KCNQ3: variants seen among roughly 807,000 people sequenced by gnomAD.
KCNQ3 encodes potassium voltage-gated channel subfamily Q member 3.
A neutral mutation model predicts 92.5 loss-of-function variants in KCNQ3; 30 were observed. The ratio of observed to expected loss-of-function variants is 0.32; its 90% CI spans 0.24 to 0.44. KCNQ3 has a LOEUF of 0.44. Ranked by LOEUF, KCNQ3 falls within the 20% of genes least tolerant of loss-of-function variation. The pLI is 1.00. For synonymous variants in KCNQ3, 450 were observed against 468.8 expected, an observed-to-expected ratio of 0.96 and a Z score of 0.52; for missense variants, 913 against 1,140.3, an observed-to-expected ratio of 0.80 and a Z score of 2.87.
intron 1 of KCNQ3, among the ~76,000 whole-genome samples, chr8:132,319,767 C>T (rs998357229): frequency 3.9e-5 from 6 of 152,234 alleles, no homozygotes; most frequent in African/African-American, 9.7e-5. Flanking sequence ...GGCTTTCCAT[C>T]GCTCTAATAG....
At chr8:132,464,291 C>G (rs1822123819) in intron 1 of KCNQ3, among the ~76,000 whole-genome samples, 1 of 152,160 alleles carries the variant, frequency 6.6e-6, no homozygotes, top group Non-Finnish European at 1.5e-5. Flanking sequence ...CTCAAGGTTA[C>G]TGGTTAAACA....
chr8:132,209,911 C>G (rs938265866), intron 1 of KCNQ3, among the ~76,000 whole-genome samples: 16 of 152,124 alleles, frequency 1.1e-4, no homozygotes, highest in Admixed American at 7.2e-4. Context: ...TATGTTTGTG[C>G]ATGTGTGTAT....
intron 1 of KCNQ3, among the ~76,000 whole-genome samples, chr8:132,200,411 C>T (rs550862457): frequency 1.3e-5 from 2 of 151,288 alleles, no homozygotes; most frequent in East Asian, 3.9e-4. Flanking sequence ...ATATTTACTA[C>T]CTTGAGCATT....
At chr8:132,264,637 T>C (rs1815921471) in intron 1 of KCNQ3, among the ~76,000 whole-genome samples, 1 of 152,204 alleles carries the variant, frequency 6.6e-6, no homozygotes, top group South Asian at 2.1e-4. Context: ...GAAATTCAGA[T>C]GCCATGCAGG....
At chr8:132,179,836 T>C (rs908256056) in intron 4 of KCNQ3, among the ~76,000 whole-genome samples, 1 of 152,122 alleles carries the variant, frequency 6.6e-6, no homozygotes, top group African/African-American at 2.4e-5. Flanking sequence ...TCTGAAGGAA[T>C]AGGCATTATC....
intron 1 of KCNQ3, among the ~76,000 whole-genome samples, chr8:132,248,925 T>G (rs750075763): frequency 6.6e-6 from 1 of 152,230 alleles, no homozygotes; most frequent in African/African-American, 2.4e-5. Flanking sequence ...GGTGGGTTCT[T>G]GATCTCACTG....
chr8:132,394,803 A>T (rs2130775791), intron 1 of KCNQ3, among the ~76,000 whole-genome samples: 1 of 152,350 alleles, frequency 6.6e-6, no homozygotes, highest in East Asian at 1.9e-4. Flanking sequence ...CCCAGCACTG[A>T]GTAGGAATTC....
intron 9 of KCNQ3, among the ~76,000 whole-genome samples, chr8:132,157,708 C>T (rs1038671435): frequency 1.3e-5 from 2 of 151,898 alleles, no homozygotes; most frequent in Admixed American, 6.6e-5. Context: ...ATGTGCAGAA[C>T]GTGCAGGTTT....
chr8:132,341,285 G>A (rs1586941111), intron 1 of KCNQ3, among the ~76,000 whole-genome samples: 1 of 152,218 alleles, frequency 6.6e-6, no homozygotes. Context: ...CTACTGGAGA[G>A]CTGTCATGTT....
At chr8:132,420,769 T>C (rs1683510458) in intron 1 of KCNQ3, among the ~76,000 whole-genome samples, 1 of 152,200 alleles carries the variant, frequency 6.6e-6, no homozygotes, top group South Asian at 2.1e-4. Context: ...GTGCTTTCCA[T>C]GTGTTTTGCA....
At chr8:132,463,355 A>G (rs995465388) in intron 1 of KCNQ3, among the ~76,000 whole-genome samples, 1 of 152,226 alleles carries the variant, frequency 6.6e-6, no homozygotes, top group Non-Finnish European at 1.5e-5. Context: ...TGAGCCACAA[A>G]TGGTATTCAC....
intron 9 of KCNQ3, among the ~76,000 whole-genome samples, chr8:132,145,184 G>C (rs1170694042): frequency 6.6e-6 from 1 of 152,144 alleles, no homozygotes; most frequent in Non-Finnish European, 1.5e-5. Context: ...ATAGTGCTGA[G>C]GTTGAAAAAC....
At chr8:132,264,385 G>A (rs577872185) in intron 1 of KCNQ3, among the ~76,000 whole-genome samples, 2 of 152,268 alleles carry the variant, frequency 1.3e-5, no homozygotes, top group South Asian at 2.1e-4. Flanking sequence ...GCCACGTATT[G>A]GGGTCATCTC....
intron 1 of KCNQ3, among the ~76,000 whole-genome samples, chr8:132,325,818 CT>C: frequency 6.6e-6 from 1 of 152,322 alleles, no homozygotes. Context: ...CTGCTCCAAG[CT>C]ATGTCACCCA....
chr8:132,139,251 G>A (rs1825208652), intron 11 of KCNQ3, among the ~76,000 whole-genome samples: 1 of 152,220 alleles, frequency 6.6e-6, no homozygotes, highest in South Asian at 2.1e-4. Context: ...CACCCTCCAG[G>A]TCAACACAGG....
chr8:132,149,996 A>C (rs1382765131), intron 9 of KCNQ3, among the ~76,000 whole-genome samples: 2 of 150,492 alleles, frequency 1.3e-5, no homozygotes, highest in East Asian at 3.9e-4. Context: ...TCTCTTCTCC[A>C]CCCTGTCAGC....
At chr8:132,158,325 C>T (rs1471312264) in intron 9 of KCNQ3, among the ~76,000 whole-genome samples, 1 of 152,178 alleles carries the variant, frequency 6.6e-6, no homozygotes, top group Non-Finnish European at 1.5e-5. Context: ...TGATTGCCAA[C>T]ATTGTTCATG....
intron 1 of KCNQ3, among the ~76,000 whole-genome samples, chr8:132,458,575 C>T (rs1413436007): frequency 6.6e-6 from 1 of 152,246 alleles, no homozygotes; most frequent in Non-Finnish European, 1.5e-5. Context: ...CTGCCTCAGC[C>T]TCCCAAGTAG....
At chr8:132,454,169 C>G (rs1247849334) in intron 1 of KCNQ3, among the ~76,000 whole-genome samples, 1 of 152,188 alleles carries the variant, frequency 6.6e-6, no homozygotes, top group Non-Finnish European at 1.5e-5. Flanking sequence ...TGAGTGGTAG[C>G]TCCACTGGAG....
Sources: gnomAD v4.1 joint callset for allele counts (sites outside exome capture counted in the v4.1 genomes callset) on GRCh38, gnomAD v4.1.1 for gene constraint, MANE v1.5 for transcripts, NCBI Gene and HGNC (gene_info 2026-07-23, HGNC 2026-07-21) for gene names.